Variants in ASTN2 observed in about 807,000 individuals in gnomAD.
The protein encoded by ASTN2 is astrotactin 2, also known as astrotactin-2.
In ASTN2, 54 loss-of-function variants were observed where a neutral mutation model predicts 139.8. The observed-to-expected ratio is 0.39, with a 90% CI of 0.31 to 0.48. The LOEUF is 0.48. Among genes scored for constraint, ASTN2 ranks in the 20% least tolerant of loss-of-function variants. The pLI, the probability that ASTN2 is intolerant of heterozygous loss-of-function variation, is 0.95. For synonymous variants in ASTN2, 756 were observed against 719.5 expected, an observed-to-expected ratio of 1.05 and a Z score of -0.81; for missense variants, 1,565 against 1,725.1, an observed-to-expected ratio of 0.91 and a Z score of 1.64.
intron 2 of ASTN2, among the ~76,000 whole-genome samples, chr9:117,248,438 C>T (rs1224735730): frequency 6.6e-6 from 1 of 152,176 alleles, no homozygotes; most frequent in African/African-American, 2.4e-5. Context: ...ATCTTCCATG[C>T]TACGCAAAGT....
intron 19 of ASTN2, among the ~76,000 whole-genome samples, chr9:116,606,251 C>A (rs988291845): frequency 6.6e-6 from 1 of 152,102 alleles, no homozygotes; most frequent in East Asian, 1.9e-4. Context: ...AACAGCGTCC[C>A]GGAACTGACC....
intron 10 of ASTN2, among the ~76,000 whole-genome samples, chr9:116,923,255 C>G (rs1347364299): frequency 1.3e-5 from 2 of 152,228 alleles, no homozygotes; most frequent in Non-Finnish European, 2.9e-5. Flanking sequence ...CTTCTAATCA[C>G]TTCTAACATC....
At chr9:116,480,177 G>T (rs548275797) in intron 20 of ASTN2, among the ~76,000 whole-genome samples, 1 of 151,810 alleles carries the variant, frequency 6.6e-6, no homozygotes, top group South Asian at 2.1e-4. Flanking sequence ...AGGAAGGGAG[G>T]AAGGGAAAGG....
At chr9:116,922,991 C>A (rs973723272) in intron 10 of ASTN2, among the ~76,000 whole-genome samples, 2 of 152,122 alleles carry the variant, frequency 1.3e-5, no homozygotes, top group African/African-American at 4.8e-5. Flanking sequence ...CTTCCACAGG[C>A]AGTATTAGGT....
At chr9:116,784,806 G>A (rs1269957388) in intron 13 of ASTN2, among the ~76,000 whole-genome samples, 1 of 151,996 alleles carries the variant, frequency 6.6e-6, no homozygotes, top group Non-Finnish European at 1.5e-5. Flanking sequence ...CCGCATGCCT[G>A]TGATCCCAGT....
At chr9:116,809,237 A>G (rs1332214092) in intron 12 of ASTN2, among the ~76,000 whole-genome samples, 5 of 152,124 alleles carry the variant, frequency 3.3e-5, no homozygotes, top group Non-Finnish European at 7.4e-5. Context: ...ATCTTTGGTT[A>G]TTTAATATGC....
chr9:116,592,249 A>C (rs897038229), intron 19 of ASTN2, among the ~76,000 whole-genome samples: 2 of 152,176 alleles, frequency 1.3e-5, no homozygotes, highest in Non-Finnish European at 2.9e-5. Flanking sequence ...AAGAGGTTTA[A>C]TTGGTTCACA....
chr9:116,928,056 T>A lies in ASTN2; in HGVS notation c.1889+47152A>T, dbSNP rs566064017. On this transcript the variant is annotated intron_variant, in intron 10 of 22. Transcript: ENST00000313400. ...TTCTCATGACACTCCACAGCTTGAC[T>A]CAGCTTCCCTCCCTGTTGCTATCCC... Among the ~76,000 whole-genome samples, 9 of 151,890 alleles carry A rather than the reference T, an allele frequency of 5.9e-5. No homozygotes were observed. In the East Asian group the frequency reaches 1.7e-3, roughly 29 times the overall value.
At chr9:116,437,957 C>G (rs1331097291) in intron 22 of ASTN2, among the ~76,000 whole-genome samples, 1 of 152,150 alleles carries the variant, frequency 6.6e-6, no homozygotes, top group Non-Finnish European at 1.5e-5. Flanking sequence ...TCTAAGGGCT[C>G]AAGGTAAGAG....
intron 13 of ASTN2, among the ~76,000 whole-genome samples, chr9:116,798,865 A>G (rs1830768378): frequency 6.6e-6 from 1 of 152,168 alleles, no homozygotes; most frequent in Admixed American, 6.5e-5. Flanking sequence ...TGACCAACAC[A>G]TAAAAACTTT....
chr9:116,584,594 A>G (rs1236584766), intron 19 of ASTN2: 1 of 152,248 alleles, frequency 6.6e-6, no homozygotes, highest in Non-Finnish European at 1.5e-5. Flanking sequence ...AACTAGCATT[A>G]TACTTAATGG....
chr9:116,849,919 T>C lies in ASTN2; in HGVS notation c.2040+13664A>G, dbSNP rs141097520. ...GAGCATATGCTTCTGTGGGTATATA[T>C]TTATTCAGCTTATGTTGAGTATAAT... On this transcript the variant is annotated intron_variant, in intron 11 of 22. Coordinates refer to ENST00000313400, the MANE Select transcript of ASTN2 (RefSeq NM_001365068.1). Among the ~76,000 whole-genome samples, 1,182 of 152,340 alleles carry C rather than the reference T, an allele frequency of 7.8e-3. 3 individuals carry two copies. The highest frequency in any genetic ancestry group is 0.016 in the South Asian group (76 of 4,830).
chr9:116,537,386 A>G (rs908936418), intron 19 of ASTN2, among the ~76,000 whole-genome samples: 1 of 152,198 alleles, frequency 6.6e-6, no homozygotes, highest in African/African-American at 2.4e-5. Flanking sequence ...TGGTTTCACA[A>G]TTTACATTGA....
intron 7 of ASTN2, among the ~76,000 whole-genome samples, chr9:116,982,851 C>T (rs1008909793): frequency 3.3e-5 from 5 of 152,172 alleles, no homozygotes; most frequent in South Asian, 2.1e-4. Flanking sequence ...TCCAGAGCTA[C>T]GAAGACATGT....
intron 6 of ASTN2, among the ~76,000 whole-genome samples, chr9:117,020,134 T>C (rs1837834388): frequency 6.6e-6 from 1 of 151,440 alleles, no homozygotes; most frequent in South Asian, 2.1e-4. Context: ...ATCCTAGGAA[T>C]AGGAAAGAGG....
intron 19 of ASTN2, among the ~76,000 whole-genome samples, chr9:116,538,410 T>G (rs1230357584): frequency 6.6e-6 from 1 of 152,150 alleles, no homozygotes; most frequent in Non-Finnish European, 1.5e-5. Flanking sequence ...CTAGCACTAC[T>G]GAAAATAAAT....
chr9:116,638,697 A>G (rs1857187972), intron 17 of ASTN2, among the ~76,000 whole-genome samples: 1 of 152,190 alleles, frequency 6.6e-6, no homozygotes, highest in African/African-American at 2.4e-5. Context: ...TTTATCCATA[A>G]AATATCCCAA....
chr9:116,518,073 G>A (rs1485723575), intron 19 of ASTN2, among the ~76,000 whole-genome samples: 1 of 152,166 alleles, frequency 6.6e-6, no homozygotes, highest in African/African-American at 2.4e-5. Context: ...TAAAAGACTG[G>A]AGAACATATT....
chr9:116,494,366 A>G (rs1849608983), intron 19 of ASTN2, among the ~76,000 whole-genome samples: 1 of 152,184 alleles, frequency 6.6e-6, no homozygotes. Context: ...ATACATGAAT[A>G]GCTTACAAAT....
Sources: gnomAD v4.1 joint callset for allele counts (sites outside exome capture counted in the v4.1 genomes callset) on GRCh38, gnomAD v4.1.1 for gene constraint, MANE v1.5 for transcripts, NCBI Gene and HGNC (gene_info 2026-07-23, HGNC 2026-07-21) for gene names.